The following WDR64 variants were observed in gnomAD, a reference collection of about 807,000 sequenced individuals.
WDR64 encodes WD repeat-containing protein 64.
WDR64 carries 112 observed loss-of-function variants against 139.3 expected under a neutral mutation model. The observed-to-expected ratio is 0.80, with a 90% CI of 0.69 to 0.94. The LOEUF (loss-of-function observed/expected upper bound fraction) is 0.94, where lower values mean the gene tolerates loss of function less well. Ranked by LOEUF, WDR64 falls within the 40% of genes least tolerant of loss-of-function variation. The probability of loss-of-function intolerance (pLI) is 0.00; values close to 1 mark genes in which losing one functional copy is unlikely to be tolerated. For synonymous variants in WDR64, 444 were observed against 437.7 expected (o/e 1.01, Z -0.18); for missense variants, 1,206 against 1,293.1 (o/e 0.93, Z 1.03).
chr1:241,770,540 A>G (rs1658388317), intron 17 of WDR64, 81 bp from the exon 18 acceptor site: 1 of 1,289,424 alleles, frequency 7.8e-7, no homozygotes, highest in East Asian at 2.6e-5. Flanking sequence ...ATCAGCTGAA[A>G]TTAAAGCAGA....
At chr1:241,704,340 C>T (rs1414349677) in intron 8 of WDR64, among the ~76,000 whole-genome samples, 6 of 152,142 alleles carry the variant, frequency 3.9e-5, no homozygotes, top group Non-Finnish European at 5.9e-5. Context: ...AAAGTGCTAT[C>T]GAAATGCTGG....
rs528517333 is a variant in WDR64 at position 241,796,663 on chromosome 1, T to C, written c.3192+293T>C. Among the ~76,000 whole-genome samples the C allele has an allele frequency of 4.4e-4, 67 of 152,266 alleles. 2 individuals are homozygous for C. In the South Asian group the frequency reaches 0.014, roughly 31 times the overall value. On this transcript the variant is annotated intron_variant, in intron 27 of 27. Coordinates refer to ENST00000437684, the MANE Select transcript of WDR64 (RefSeq NM_001367482.1). ...ATGCGCCACTGTGTCCAGCTAATTTTGTATTTTTTTAGTAGAGATGGGGTT... is the reference window on the plus strand; with the variant it reads ...ATGCGCCACTGTGTCCAGCTAATTTCGTATTTTTTTAGTAGAGATGGGGTT...
At chr1:241,722,211 T>C (rs1668638330) in intron 9 of WDR64, among the ~76,000 whole-genome samples, 1 of 152,160 alleles carries the variant, frequency 6.6e-6, no homozygotes, top group Non-Finnish European at 1.5e-5. Context: ...TAAAATGTAA[T>C]TAAAAATAAG....
intron 21 of WDR64, among the ~76,000 whole-genome samples, chr1:241,778,638 T>G (rs1202171049): frequency 6.6e-6 from 1 of 152,194 alleles, no homozygotes; most frequent in African/African-American, 2.4e-5. Context: ...TTTTGTGTGA[T>G]TCTATCTTCT....
At chr1:241,727,795 T>G (rs1668903477) in intron 10 of WDR64, among the ~76,000 whole-genome samples, 2 of 152,060 alleles carry the variant, frequency 1.3e-5, no homozygotes, top group Non-Finnish European at 2.9e-5. Flanking sequence ...ATCCCAGCAC[T>G]TTGGGAGGTT....
chr1:241,746,577 A>G (rs552780299), intron 13 of WDR64, among the ~76,000 whole-genome samples: 1 of 152,206 alleles, frequency 6.6e-6, no homozygotes, highest in Non-Finnish European at 1.5e-5. Context: ...AACTGAAAAA[A>G]AAAAAATTTT....
intron 8 of WDR64, among the ~76,000 whole-genome samples, chr1:241,690,953 T>C (rs1667245590): frequency 6.6e-6 from 1 of 152,194 alleles, no homozygotes; most frequent in Non-Finnish European, 1.5e-5. Flanking sequence ...CATATATGTA[T>C]GTATATATGG....
At chr1:241,721,397 G>A (rs1668604385) in intron 9 of WDR64, among the ~76,000 whole-genome samples, 2 of 152,050 alleles carry the variant, frequency 1.3e-5, no homozygotes, top group South Asian at 2.1e-4. Flanking sequence ...AATAATTTAG[G>A]TTATACATAA....
chr1:241,701,118 A>G (rs1002757774), intron 8 of WDR64, among the ~76,000 whole-genome samples: 23 of 152,220 alleles, frequency 1.5e-4, no homozygotes, highest in Admixed American at 9.8e-4. Context: ...CTTTTTGACA[A>G]GAAAAATATG....
At chr1:241,717,068 G>A (rs1354159451) in intron 9 of WDR64, among the ~76,000 whole-genome samples, 2 of 152,196 alleles carry the variant, frequency 1.3e-5, no homozygotes, top group South Asian at 4.1e-4. Context: ...ACCTATGGGT[G>A]CAAGGCTTAG....
rs757564469 is a variant in WDR64, at chr1:241,757,246, T to C, written c.1771-37T>C. 18 of 1,575,100 alleles carry C rather than the reference T, an allele frequency of 1.1e-5. No homozygotes were observed. In the South Asian group the frequency reaches 1.5e-4, roughly 13 times the overall value. ...TTTAAAACAGTTCAAAATAAAATAA[T>C]TGAACTTTTCATGCACTCACTGGAT... is the stretch of plus-strand genomic sequence containing the variant. On this transcript the variant is annotated intron_variant, in intron 14 of 27. Transcript: ENST00000437684.
chr1:241,748,108 C>G (rs148961662), intron 13 of WDR64, among the ~76,000 whole-genome samples: 1 of 152,168 alleles, frequency 6.6e-6, no homozygotes, highest in Admixed American at 6.5e-5. Context: ...CACCAGCATC[C>G]GTCTTACCGA....
At chr1:241,689,656 T>C (rs1667139189) in intron 8 of WDR64, among the ~76,000 whole-genome samples, 2 of 151,338 alleles carry the variant, frequency 1.3e-5, no homozygotes, top group Non-Finnish European at 2.9e-5. Flanking sequence ...GGCAAGGAGG[T>C]TGGAATTATC....
chr1:241,713,719 G>A (rs1331454619), intron 9 of WDR64, among the ~76,000 whole-genome samples: 1 of 152,128 alleles, frequency 6.6e-6, no homozygotes, highest in East Asian at 1.9e-4. Flanking sequence ...TGAAATTTGC[G>A]ATTCTAGTTA....
chr1:241,796,417 T>A, intron 27 of WDR64, 47 bp downstream of exon 27: 1 of 1,256,392 alleles, frequency 8.0e-7, no homozygotes, highest in Non-Finnish European at 1.1e-6. Flanking sequence ...CAGTGTATCC[T>A]ATTTCTGTTT....
At chr1:241,757,562 T>C in intron 15 of WDR64, 103 bp downstream of exon 15, 1 of 1,101,560 alleles carries the variant, frequency 9.1e-7, no homozygotes, top group Non-Finnish European at 1.2e-6. Context: ...CTTCTATGTG[T>C]TATCACTCAG....
intron 14 of WDR64, among the ~76,000 whole-genome samples, chr1:241,755,434 G>GT (rs1372550068): frequency 6.6e-6 from 1 of 152,042 alleles, no homozygotes; most frequent in Admixed American, 6.5e-5. Context: ...TTGTAAATTT[G>GT]TTTAAGTTCT....
intron 6 of WDR64, among the ~76,000 whole-genome samples, chr1:241,681,834 T>C (rs981819043): frequency 1.3e-5 from 2 of 152,240 alleles, no homozygotes; most frequent in Non-Finnish European, 2.9e-5. Flanking sequence ...AGTAAGATGG[T>C]ATCATATTGT....
At chr1:241,707,548 C>A (rs1667998326) in intron 8 of WDR64, among the ~76,000 whole-genome samples, 2 of 152,144 alleles carry the variant, frequency 1.3e-5, no homozygotes, top group Admixed American at 1.3e-4. Context: ...GATCTCTCAC[C>A]ACCCACCAGC....
Sources: gnomAD v4.1 joint callset for allele counts (sites outside exome capture counted in the v4.1 genomes callset) on GRCh38, gnomAD v4.1.1 for gene constraint, MANE v1.5 for transcripts, NCBI Gene and HGNC (gene_info 2026-07-23, HGNC 2026-07-21) for gene names.